The following PCDHGA6 variants were observed in gnomAD, a reference collection of about 807,000 sequenced individuals.
PCDHGA6 encodes the protein protocadherin gamma-A6.
PCDHGA6 carries 41 observed loss-of-function variants against 60.6 expected under a neutral mutation model. The ratio of observed to expected loss-of-function variants is 0.68; its 90% CI spans 0.53 to 0.88. PCDHGA6 has a LOEUF of 0.88. PCDHGA6 is among the 40% of genes least tolerant of loss of function. PCDHGA6 has a pLI of 0.00. For missense variants in PCDHGA6, 1,312 were observed against 1,203.0 expected (o/e 1.09, Z -1.34); for synonymous variants, 594 against 524.4 (o/e 1.13, Z -1.81).
chr5:141,433,328 G>C, intron 1 of PCDHGA6: 1 of 724,580 alleles, frequency 1.4e-6, no homozygotes, highest in Non-Finnish European at 2.3e-6. Context: ...GGTGTAACAG[G>C]GACTACAGGT....
chr5:141,393,937 A>T, intron 1 of PCDHGA6: 1 of 1,613,906 alleles, frequency 6.2e-7, no homozygotes, highest in Non-Finnish European at 8.5e-7. Context: ...CATGACCAAG[A>T]CTCTGGAAAG....
Position 141,485,597 on chromosome 5 carries a change from A to G in PCDHGA6, c.2425-9210A>G. On this transcript the variant is annotated intron_variant, in intron 1 of 3. Coordinates refer to ENST00000517434, the MANE Select transcript of PCDHGA6 (RefSeq NM_018919.3). This position sits in a 1 kb window ranked among gnomAD's most constrained non-coding sequence, Gnocchi z 5.7. ...TCCGCGGCAGCAGCTGGACTTGGAA[A>G]TTGGGGAGGCAGCTCCTCCAGGACA... The G allele has an allele frequency of 6.2e-7, 1 of 1,612,468 alleles. No homozygotes were observed. The highest frequency in any genetic ancestry group is 8.5e-7 in the Non-Finnish European group (1 of 1,178,718).
chr5:141,436,859 A>G (rs550974791), intron 1 of PCDHGA6, among the ~76,000 whole-genome samples: 7 of 152,250 alleles, frequency 4.6e-5, no homozygotes, highest in Non-Finnish European at 1.0e-4. Flanking sequence ...TTGAGAAGCC[A>G]CAGTTTTAGG....
chr5:141,467,681 A>G (rs2099148744), intron 1 of PCDHGA6, among the ~76,000 whole-genome samples: 1 of 152,076 alleles, frequency 6.6e-6, no homozygotes, highest in African/African-American at 2.4e-5. Flanking sequence ...TATTTTTTTT[A>G]GACAGGGTCT....
Position 141,510,938 on chromosome 5 carries a change from T to A in PCDHGA6, c.2573-9T>A. 1 of 1,614,026 alleles carries A rather than the reference T, an allele frequency of 6.2e-7. No homozygotes were observed. Among genetic ancestry groups the A allele is most frequent in the Non-Finnish European group, 8.5e-7 (1 of 1,179,984 alleles). ...TTAGCTCCCACCTGATCTTCCTCTG[T>A]CTCTGCAGAAGCTGCTGATGGGAGC... On this transcript the variant is annotated splice_polypyrimidine_tract_variant and intron_variant, in intron 3 of 3. Coordinates refer to ENST00000517434, the MANE Select transcript of PCDHGA6 (RefSeq NM_018919.3).
In PCDHGA6 at chr5:141,477,018, C is replaced by T. The variant is rs2099403540; in HGVS notation, c.2425-17789C>T. The T allele has an allele frequency of 3.1e-6, 5 of 1,614,262 alleles. No homozygotes were observed. Among genetic ancestry groups the T allele is most frequent in the Non-Finnish European group, 4.2e-6 (5 of 1,180,048 alleles). ...CAACTATTCGCCTTAGACCTTGTAA[C>T]CGGGATGCTGACAATCAAGGGTCGG... On this transcript the variant is annotated intron_variant, in intron 1 of 3. Coordinates refer to ENST00000517434, the MANE Select transcript of PCDHGA6 (RefSeq NM_018919.3). The surrounding 1 kb of genome is among the most constrained non-coding windows in gnomAD (Gnocchi z 4.9).
At chr5:141,378,957 A>T (rs1303880032) in intron 1 of PCDHGA6, 2 of 152,224 alleles carry the variant, frequency 1.3e-5, no homozygotes, top group Non-Finnish European at 2.9e-5. Context: ...AGTACAGGGG[A>T]TTCTCTAATT....
At chr5:141,469,671 A>T (rs1285283342) in intron 1 of PCDHGA6, among the ~76,000 whole-genome samples, 3 of 152,236 alleles carry the variant, frequency 2.0e-5, no homozygotes, top group Admixed American at 1.3e-4. Flanking sequence ...TTCTAATAAA[A>T]CTACATATGC....
At chr5:141,443,169 T>C (rs946262743) in intron 1 of PCDHGA6, among the ~76,000 whole-genome samples, 2 of 152,170 alleles carry the variant, frequency 1.3e-5, no homozygotes, top group Non-Finnish European at 2.9e-5. Flanking sequence ...TCCCTACCCA[T>C]GTCCACTGCA....
intron 1 of PCDHGA6, chr5:141,400,289 G>A: frequency 6.2e-7 from 1 of 1,614,074 alleles, no homozygotes; most frequent in South Asian, 1.1e-5. Context: ...GCCGCCTGGA[G>A]CTGCTTCCAA....
rs762314174 is a variant in PCDHGA6, at chr5:141,404,905, GCC to G, written c.2424+28402_2424+28403del. The G allele has an allele frequency of 1.9e-6, 3 of 1,613,910 alleles. No homozygotes were observed. In the South Asian group the frequency reaches 3.3e-5, roughly 18 times the overall value. On this transcript the variant is annotated intron_variant, in intron 1 of 3. Coordinates refer to ENST00000517434, the MANE Select transcript of PCDHGA6 (RefSeq NM_018919.3). ...TGGTGGCTGTACAGGACCATGGCCA[GCC>G]CCCTCTCTCGGCCACTGTCACGCTC...
At chr5:141,441,878 TG>T in intron 1 of PCDHGA6, 1 of 343,708 alleles carries the variant, frequency 2.9e-6, no homozygotes, top group Non-Finnish European at 5.6e-6. Context: ...CCTGGCTACC[TG>T]GTCACCAAGG....
In PCDHGA6 at chr5:141,432,452, C is replaced by T. The variant is rs780149710; in HGVS notation, c.2424+55945C>T. 3.7e-6 allele frequency: 6 copies of T among 1,614,094 alleles called. No homozygotes were observed. The highest frequency in any genetic ancestry group is 1.6e-4 in the Middle Eastern group (1 of 6,082). On this transcript the variant is annotated intron_variant, in intron 1 of 3. Coordinates refer to ENST00000517434, the MANE Select transcript of PCDHGA6 (RefSeq NM_018919.3). The surrounding 1 kb of genome is among the most constrained non-coding windows in gnomAD (Gnocchi z 6.0). ...CGACAATGCGCCCGAGATCCTGTACCCCGCCCTCCCCACGGACGGTTCCAC... is the reference window on the plus strand; with the variant it reads ...CGACAATGCGCCCGAGATCCTGTACTCCGCCCTCCCCACGGACGGTTCCAC...
intron 1 of PCDHGA6, chr5:141,420,364 ACTT>A (rs746817317): frequency 1.3e-4 from 174 of 1,368,558 alleles, no homozygotes; most frequent in Non-Finnish European, 1.6e-4. Context: ...ATTCTAGATA[ACTT>A]CTTCATAGAG....
At chr5:141,407,286 T>A (rs1409712341) in intron 1 of PCDHGA6, among the ~76,000 whole-genome samples, 1 of 152,234 alleles carries the variant, frequency 6.6e-6, no homozygotes, top group Non-Finnish European at 1.5e-5. Flanking sequence ...TTGTTACAAT[T>A]TCTGTTCTGA....
chr5:141,499,073 G>T (rs2099789305), intron 2 of PCDHGA6, among the ~76,000 whole-genome samples: 1 of 152,064 alleles, frequency 6.6e-6, no homozygotes, highest in Admixed American at 6.5e-5. Flanking sequence ...CTTACATTCT[G>T]AAGTTCCTGC....
intron 2 of PCDHGA6, among the ~76,000 whole-genome samples, chr5:141,502,725 G>A (rs1020846462): frequency 2.0e-5 from 3 of 152,150 alleles, no homozygotes; most frequent in Non-Finnish European, 4.4e-5. Context: ...ATTACAAAGC[G>A]GTGATGTTCT....
chr5:141,426,173 G>A (rs2096919271), intron 1 of PCDHGA6: 1 of 155,348 alleles, frequency 6.4e-6, no homozygotes, highest in African/African-American at 2.4e-5. Flanking sequence ...TACGGATTGG[G>A]GTGCCCTCAA....
chr5:141,426,523 G>A (rs1018320941), intron 1 of PCDHGA6: 14 of 342,474 alleles, frequency 4.1e-5, no homozygotes, highest in African/African-American at 3.0e-4. Flanking sequence ...CGTGAACACG[G>A]AGAATGGGAA....
Sources: gnomAD v4.1 joint callset for allele counts (sites outside exome capture counted in the v4.1 genomes callset) on GRCh38, gnomAD v4.1.1 for gene constraint, Gnocchi (gnomAD v3.1) non-coding constraint, MANE v1.5 for transcripts, NCBI Gene and HGNC (gene_info 2026-07-23, HGNC 2026-07-21) for gene names.